The following ARHGEF38 variants were observed in gnomAD, a reference collection of about 807,000 sequenced individuals.
ARHGEF38 encodes Rho guanine nucleotide exchange factor (GEF) 38.
In ARHGEF38, 79 loss-of-function variants were observed where a neutral mutation model predicts 79.9. The ratio of observed to expected loss-of-function variants is 0.99; its 90% confidence interval spans 0.82 to 1.19. The LOEUF (loss-of-function observed/expected upper bound fraction) is 1.19. ARHGEF38 is among the 50% of genes most tolerant of loss of function. The probability of loss-of-function intolerance (pLI) is 0.00; values close to 1 mark genes in which losing one functional copy is unlikely to be tolerated. For missense variants in ARHGEF38, 962 were observed against 907.2 expected (o/e 1.06, Z -0.78); for synonymous variants, 366 against 328.3 (o/e 1.11, Z -1.24).
At position 105,654,211 on chromosome 4, in the gene ARHGEF38, C is replaced by A. The variant is rs1176114713; in HGVS notation, c.1113+42C>A. 6 of 1,130,096 alleles carry A rather than the reference C, an allele frequency of 5.3e-6. No individual in the cohort carries two copies. The South Asian group carries it at 7.1e-5, about 13-fold the overall frequency. 70.0% of individuals were successfully genotyped at this position (1,130,096 alleles called of 1,614,324 possible). On this transcript the variant is annotated intron_variant, in intron 8 of 13. Transcript: ENST00000420470. ...TGTTTTCAGTGTTCTACAGGAACAT[C>A]TGATACAAACCATTGATTTCCATGG...
At chr4:105,660,521 C>A (rs1730520954) in intron 10 of ARHGEF38, among the ~76,000 whole-genome samples, 1 of 151,574 alleles carries the variant, frequency 6.6e-6, no homozygotes, top group African/African-American at 2.4e-5. Context: ...CTCACTGCAA[C>A]CTCCACCTTC....
In ARHGEF38 at chr4:105,563,533, A is replaced by G. The variant is rs1337214455; in HGVS notation, c.196+10572A>G. Among the ~76,000 whole-genome samples, 5 of 152,246 alleles carry G rather than the reference A, an allele frequency of 3.3e-5. No homozygotes were observed. In the East Asian group the frequency reaches 7.7e-4, roughly 23 times the overall value. ...TTTATAGATGATAAAACAGAGGTTA[A>G]GAGAGGTATAAGCATTCTCCCAGTG... On this transcript the variant is annotated intron_variant, in intron 1 of 13. Coordinates refer to ENST00000420470, the MANE Select transcript of ARHGEF38 (RefSeq NM_001242729.2).
At chr4:105,648,709 C>A in intron 7 of ARHGEF38, 27 bp downstream of exon 7, 4 of 1,491,416 alleles carry the variant, frequency 2.7e-6, no homozygotes, top group South Asian at 2.6e-5. Flanking sequence ...GACCACCCAC[C>A]TTTTCCCAGG....
intron 1 of ARHGEF38, among the ~76,000 whole-genome samples, chr4:105,569,022 A>G (rs77045777): frequency 0.011 from 1,743 of 152,286 alleles, 31 homozygotes; most frequent in African/African-American, 0.04. Flanking sequence ...TAAATTCAGG[A>G]TTATTTATTG....
At chr4:105,591,885 A>C (rs1727356868) in intron 2 of ARHGEF38, among the ~76,000 whole-genome samples, 1 of 152,170 alleles carries the variant, frequency 6.6e-6, no homozygotes, top group Non-Finnish European at 1.5e-5. Flanking sequence ...TTTGCTCTTT[A>C]GTGTCATTGC....
At position 105,667,336 on chromosome 4, in the gene ARHGEF38, T is replaced by G; in HGVS notation, c.1888+9T>G. On this transcript the variant is annotated intron_variant, in intron 12 of 13. Transcript: ENST00000420470. ...GCTTGTGGACACAGGAAGTAAGTTT[T>G]TCCCCAGAACTACCACTCTTCTTTA... 1 of 1,535,550 alleles carries G rather than the reference T, an allele frequency of 6.5e-7. No homozygotes were observed. The highest frequency in any genetic ancestry group is 1.4e-5 in the African/African-American group (1 of 73,160).
chr4:105,678,093 G>C lies in ARHGEF38; in HGVS notation c.*156G>C, dbSNP rs528211276. The stretch of plus-strand genomic sequence containing the variant: ...TCAGGAATACTGTACTTCCTAACAG[G>C]ATTATTGCATGAATGTATTATAAAG... On this transcript the variant is annotated 3_prime_UTR_variant, in exon 14 of 14. Transcript: ENST00000420470. 3.8e-5 allele frequency: 20 copies of C among 521,568 alleles called. No individual in the cohort carries two copies. The East Asian group carries it at 6.0e-4, about 16-fold the overall frequency. 32.3% of individuals were successfully genotyped at this position (521,568 alleles called of 1,614,324 possible).
intron 1 of ARHGEF38, among the ~76,000 whole-genome samples, chr4:105,584,870 T>C (rs773921057): frequency 6.6e-6 from 1 of 152,152 alleles, no homozygotes; most frequent in Non-Finnish European, 1.5e-5. Context: ...TTGTCTTCAG[T>C]CCTCCCCCAA....
In ARHGEF38 at chr4:105,655,629, T is replaced by A; in HGVS notation, c.1140T>A (p.Ser380Arg). ...ATGCCATGCCCCTGGCTCTGCAGAG[T>A]GTGATGGACCTTCAGGAGATTTCAT... Reference protein sequence around the residue: ...IQDAMPLALQSVMDLQEISYN... With the variant: ...IQDAMPLALQRVMDLQEISYN... The change falls in exon 9 of 14, where the codon AGT becomes AGA. Residue 380 changes from serine (S) to arginine (R), a missense_variant. Ser to Arg is a moderately radical substitution (Grantham distance 110). Transcript: ENST00000420470. The A allele has an allele frequency of 1.3e-6, 2 of 1,535,936 alleles. No individual in the cohort carries two copies. The highest frequency in any genetic ancestry group is 8.7e-7 in the Non-Finnish European group (1 of 1,146,688).
chr4:105,671,496 A>G (rs1730957077), intron 13 of ARHGEF38, among the ~76,000 whole-genome samples: 1 of 152,212 alleles, frequency 6.6e-6, no homozygotes, highest in African/African-American at 2.4e-5. Flanking sequence ...AATGCATAAT[A>G]TTGAAAACAG....
chr4:105,616,296 A>G (rs2110496071), intron 3 of ARHGEF38, among the ~76,000 whole-genome samples: 1 of 152,272 alleles, frequency 6.6e-6, no homozygotes, highest in African/African-American at 2.4e-5. Context: ...ACACTGCTAT[A>G]AAGAACTACC....
intron 10 of ARHGEF38, among the ~76,000 whole-genome samples, chr4:105,663,777 C>A (rs1374827964): frequency 6.6e-6 from 1 of 152,144 alleles, no homozygotes; most frequent in Non-Finnish European, 1.5e-5. Flanking sequence ...CAAGACCAGC[C>A]TAGCCAACAT....
At chr4:105,636,834 A>T (rs1275630094) in intron 5 of ARHGEF38, among the ~76,000 whole-genome samples, 4 of 152,152 alleles carry the variant, frequency 2.6e-5, no homozygotes, top group Non-Finnish European at 4.4e-5. Flanking sequence ...TTATGAAAAT[A>T]TTAGATTTCT....
chr4:105,568,759 C>T (rs1312087364), intron 1 of ARHGEF38, among the ~76,000 whole-genome samples: 10 of 152,048 alleles, frequency 6.6e-5, no homozygotes, highest in Admixed American at 2.6e-4. Flanking sequence ...TGTGTGCCTG[C>T]CTGGTTGGTT....
chr4:105,665,261 G>A (rs1344943850), intron 10 of ARHGEF38, among the ~76,000 whole-genome samples: 2 of 152,054 alleles, frequency 1.3e-5, no homozygotes, highest in Non-Finnish European at 2.9e-5. Flanking sequence ...TTGGGAGGCC[G>A]AGGCGGGCGG....
At chr4:105,656,175 C>G (rs1352544515) in intron 9 of ARHGEF38, among the ~76,000 whole-genome samples, 2 of 152,166 alleles carry the variant, frequency 1.3e-5, no homozygotes, top group African/African-American at 4.8e-5. Context: ...GCTCCTCAGC[C>G]TCTCGAGTAG....
At position 105,678,238 on chromosome 4, in the gene ARHGEF38, C is replaced by A; in HGVS notation, c.*301C>A. 1 of 232,976 alleles carries A rather than the reference C, an allele frequency of 4.3e-6. No homozygotes were observed. Among genetic ancestry groups the A allele is most frequent in the Non-Finnish European group, 8.2e-6 (1 of 121,580 alleles). 14.4% of individuals were successfully genotyped at this position (232,976 alleles called of 1,614,324 possible). A position where few individuals can be genotyped will look rare whatever the true frequency, so the allele number is the denominator to read the frequency against. On this transcript the variant is annotated 3_prime_UTR_variant, in exon 14 of 14. Transcript: ENST00000420470. ...AGGAGTAATTATATTCTTTTATCAT[C>A]AAGAAAGGTTGGATCCAAAGGTTTT...
intron 2 of ARHGEF38, among the ~76,000 whole-genome samples, chr4:105,596,569 T>C (rs768459007): frequency 2.6e-4 from 40 of 152,322 alleles, no homozygotes; most frequent in South Asian, 8.3e-4. Flanking sequence ...AAAATTTATA[T>C]ATAATAAAGA....
intron 1 of ARHGEF38, among the ~76,000 whole-genome samples, chr4:105,589,034 C>G (rs1727190835): frequency 6.6e-6 from 1 of 152,188 alleles, no homozygotes; most frequent in African/African-American, 2.4e-5. Context: ...AATTGAGTAT[C>G]ATTTAACTCA....
Sources: allele counts gnomAD v4.1 joint callset (sites outside exome capture counted in the v4.1 genomes callset), GRCh38; gene constraint gnomAD v4.1.1; transcripts MANE v1.5; gene names NCBI Gene and HGNC (gene_info 2026-07-23, HGNC 2026-07-21).